Variants in THSD7A observed in about 807,000 individuals in gnomAD.
THSD7A encodes the protein thrombospondin type-1 domain-containing protein 7A.
A neutral mutation model predicts 231.3 loss-of-function variants in THSD7A; 96 were observed. The ratio of observed to expected loss-of-function variants is 0.41; its 90% CI spans 0.35 to 0.49. The LOEUF (loss-of-function observed/expected upper bound fraction) is 0.49, where lower values mean the gene tolerates loss of function less well. Among genes scored for constraint, THSD7A ranks in the 20% least tolerant of loss-of-function variants. THSD7A has a pLI of 0.05. For missense variants in THSD7A, 2,290 were observed against 2,070.2 expected, an observed-to-expected ratio of 1.11 and a Z score of -2.06; for synonymous variants, 940 against 743.3, an observed-to-expected ratio of 1.26 and a Z score of -4.30.
At chr7:11,587,087 T>C (rs1329144811) in intron 4 of THSD7A, among the ~76,000 whole-genome samples, 1 of 152,200 alleles carries the variant, frequency 6.6e-6, no homozygotes, top group Non-Finnish European at 1.5e-5. Context: ...AATGGAAGAA[T>C]TTCTTGAGTT....
chr7:11,771,720 T>G (rs1189818771), intron 1 of THSD7A, among the ~76,000 whole-genome samples: 1 of 152,140 alleles, frequency 6.6e-6, no homozygotes, highest in Non-Finnish European at 1.5e-5. Flanking sequence ...TTTGGATCTA[T>G]CTCCTCACCC....
chr7:11,500,797 G>A (rs377166035), intron 6 of THSD7A, among the ~76,000 whole-genome samples: 67 of 151,998 alleles, frequency 4.4e-4, no homozygotes, highest in African/African-American at 1.4e-3. Context: ...TTAGCCAGGC[G>A]TGGTGGTGGG....
At chr7:11,400,416 C>T (rs1783360670) in intron 23 of THSD7A, among the ~76,000 whole-genome samples, 1 of 152,158 alleles carries the variant, frequency 6.6e-6, no homozygotes, top group Non-Finnish European at 1.5e-5. Flanking sequence ...CTAGGTACTT[C>T]TTTGCTGCAT....
chr7:11,541,090 G>C (rs1054339948), intron 6 of THSD7A, among the ~76,000 whole-genome samples: 1 of 152,064 alleles, frequency 6.6e-6, no homozygotes, highest in African/African-American at 2.4e-5. Flanking sequence ...TTTTAAAAAA[G>C]TCACTTAAAA....
chr7:11,812,044 T>G (rs968951974), intron 1 of THSD7A, among the ~76,000 whole-genome samples: 2 of 150,924 alleles, frequency 1.3e-5, no homozygotes, highest in Non-Finnish European at 2.9e-5. Context: ...CTGAGCATAA[T>G]GAGAGACATT....
In THSD7A at chr7:11,394,649, A is replaced by G. The variant is rs1006310096; in HGVS notation, c.4411+7146T>C. Among the ~76,000 whole-genome samples, 8 of 152,212 alleles carry G rather than the reference A, an allele frequency of 5.3e-5. No individual in the cohort carries two copies. In the East Asian group the frequency reaches 1.5e-3, roughly 29 times the overall value. ...CGTGATGTTCCTTGAAAGGGGAACA[A>G]TAAATGTTAGTTACCCACAGATTGT... On this transcript the variant is annotated intron_variant, in intron 23 of 27. Coordinates refer to ENST00000423059, the MANE Select transcript of THSD7A (RefSeq NM_015204.3).
At chr7:11,746,649 C>G (rs1439804376) in intron 1 of THSD7A, among the ~76,000 whole-genome samples, 1 of 151,774 alleles carries the variant, frequency 6.6e-6, no homozygotes, top group Non-Finnish European at 1.5e-5. Flanking sequence ...TTCTCATCAC[C>G]ATATACAGAG....
chr7:11,631,935 T>C (rs1781671064), intron 2 of THSD7A, among the ~76,000 whole-genome samples: 1 of 152,192 alleles, frequency 6.6e-6, no homozygotes, highest in Non-Finnish European at 1.5e-5. Flanking sequence ...CTGAGACTTC[T>C]ATCCTTAAAA....
intron 1 of THSD7A, among the ~76,000 whole-genome samples, chr7:11,743,251 G>A (rs1450416873): frequency 3.3e-5 from 5 of 151,902 alleles, no homozygotes; most frequent in Middle Eastern, 3.4e-3. Context: ...ATAATAAATA[G>A]TTGAGGTCCT....
chr7:11,528,031 G>A (rs557194789), intron 6 of THSD7A, among the ~76,000 whole-genome samples: 1 of 152,230 alleles, frequency 6.6e-6, no homozygotes, highest in African/African-American at 2.4e-5. Flanking sequence ...GCTGGGCCTA[G>A]TGGTGCACAC....
At chr7:11,508,483 T>C (rs1314908459) in intron 6 of THSD7A, among the ~76,000 whole-genome samples, 2 of 152,208 alleles carry the variant, frequency 1.3e-5, no homozygotes, top group Non-Finnish European at 2.9e-5. Context: ...AGAATCCTTG[T>C]ACATTATTGA....
chr7:11,514,227 T>C (rs920463465), intron 6 of THSD7A, among the ~76,000 whole-genome samples: 33 of 152,302 alleles, frequency 2.2e-4, no homozygotes, highest in African/African-American at 7.9e-4. Flanking sequence ...CTTATCATTG[T>C]TTTGACACAT....
intron 1 of THSD7A, among the ~76,000 whole-genome samples, chr7:11,660,718 TAGGTAA>T (rs1782894976): frequency 6.6e-6 from 1 of 151,404 alleles, no homozygotes; most frequent in Non-Finnish European, 1.5e-5. Flanking sequence ...ATGGATTAAG[TAGGTAA>T]ATATAAAAAT....
At chr7:11,770,876 T>C (rs1032219531) in intron 1 of THSD7A, among the ~76,000 whole-genome samples, 1 of 151,944 alleles carries the variant, frequency 6.6e-6, no homozygotes, top group Non-Finnish European at 1.5e-5. Context: ...TCAATGTATT[T>C]TACTTTTTAA....
intron 19 of THSD7A, among the ~76,000 whole-genome samples, chr7:11,409,602 C>T (rs547446602): frequency 3.3e-5 from 5 of 152,258 alleles, no homozygotes; most frequent in South Asian, 2.1e-4. Flanking sequence ...TTTCAGCTTT[C>T]GCAAAGCTCT....
rs773338051 is a variant in THSD7A, at chr7:11,469,991, A to G, written c.2256T>C (p.Cys752=). The change falls in exon 9 of 28, where the codon TGT becomes TGC. Residue 752 remains cysteine, a synonymous_variant. Transcript: ENST00000423059. ...VNVGQVGPKK[C]PESLRPETVR... ...CAGTTTCAGGTCGAAGGCTTTCAGG[A>G]CATCTAGAAAGGCAAAGGGGAATTA... 5 of 1,575,478 alleles carry G rather than the reference A, an allele frequency of 3.2e-6. No homozygotes were observed. The highest frequency in any genetic ancestry group is 3.5e-6 in the Non-Finnish European group (4 of 1,156,166).
At position 11,542,962 on chromosome 7, in the gene THSD7A, C is replaced by T; in HGVS notation, c.1609G>A (p.Gly537Ser). The T allele has an allele frequency of 1.2e-6, 2 of 1,612,352 alleles. No individual in the cohort carries two copies. Among genetic ancestry groups the T allele is most frequent in the Non-Finnish European group, 1.7e-6 (2 of 1,179,276 alleles). The change falls in exon 5 of 28, where the codon GGC becomes AGC. Residue 537 changes from glycine to serine, a missense_variant and splice_region_variant. Transcript: ENST00000423059. The part of the protein sequence containing the change: ...ENCNDQQGKK[G>S]FKLRKRRITN... The stretch of plus-strand genomic sequence containing the variant: ...GGCATGTCATGGTCACGTTACCTAC[C>T]TTTTTTCCCTTGCTGATCATTACAG...
At chr7:11,382,847 T>A (rs1782573913) in intron 23 of THSD7A, among the ~76,000 whole-genome samples, 1 of 151,322 alleles carries the variant, frequency 6.6e-6, no homozygotes, top group African/African-American at 2.4e-5. Context: ...GGAACCTAGG[T>A]TTTTAATTTA....
chr7:11,415,710 A>G (rs935590924), intron 17 of THSD7A, among the ~76,000 whole-genome samples: 2 of 152,182 alleles, frequency 1.3e-5, no homozygotes, highest in African/African-American at 2.4e-5. Context: ...CCCCCATTTA[A>G]GGGAAAGTAT....
Sources: gnomAD v4.1 joint callset for allele counts (sites outside exome capture counted in the v4.1 genomes callset) on GRCh38, gnomAD v4.1.1 for gene constraint, MANE v1.5 for transcripts, NCBI Gene and HGNC (gene_info 2026-07-23, HGNC 2026-07-21) for gene names.